Variants in RHPN1 observed in about 807,000 individuals in gnomAD.
RHPN1 encodes rhophilin-1.
RHPN1 carries 77 observed loss-of-function variants against 74.7 expected under a neutral mutation model. The ratio of observed to expected loss-of-function variants is 1.03; its 90% confidence interval spans 0.86 to 1.25. The LOEUF (loss-of-function observed/expected upper bound fraction) is 1.25. RHPN1 is among the 50% of genes most tolerant of loss of function. The probability of loss-of-function intolerance (pLI) is 0.00; values close to 1 mark genes in which losing one functional copy is unlikely to be tolerated. For missense variants in RHPN1, 987 were observed against 932.2 expected (o/e 1.06, Z -0.77); for synonymous variants, 444 against 414.5 (o/e 1.07, Z -0.87).
intron 2 of RHPN1, among the ~76,000 whole-genome samples, chr8:143,376,032 G>A (rs1818194364): frequency 6.6e-6 from 1 of 152,238 alleles, no homozygotes. Context: ...GACCTGGGCT[G>A]CCTCTTCCTT....
intron 7 of RHPN1, 29 bp from the exon 8 acceptor site, chr8:143,379,286 T>G (rs781039894): frequency 7.1e-6 from 11 of 1,548,628 alleles, no homozygotes; most frequent in Non-Finnish European, 8.7e-7. Context: ...TACAGGGCCC[T>G]GCCTGTGTGA....
intron 1 of RHPN1, among the ~76,000 whole-genome samples, chr8:143,370,933 C>G (rs574573283): frequency 6.6e-6 from 1 of 152,276 alleles, no homozygotes; most frequent in Non-Finnish European, 1.5e-5. Context: ...AGCAGGTGGG[C>G]AGGGTGGCTG....
chr8:143,379,398 C>T lies in RHPN1; in HGVS notation c.835C>T (p.Leu279Phe), dbSNP rs1286919608. 8 of 1,594,088 alleles carry T rather than the reference C, an allele frequency of 5.0e-6. No homozygotes were observed. The highest frequency in any genetic ancestry group is 1.1e-5 in the South Asian group (1 of 87,878). ...TGCGTCCCTCTGCGCACTGGAGCAG[C>T]TCATGATGGCCCAGGCCCAGGAATG... ...SAASLCALEQ[L>F]MMAQAQECVF... is the part of the protein sequence containing the mutation. The change falls in exon 8 of 15, where the codon CTC (leucine) becomes TTC (phenylalanine). Residue 279 changes from leucine to phenylalanine, a missense_variant. Physicochemically the swap from Leu to Phe is conservative, Grantham distance 22. Transcript: ENST00000289013.
upstream of RHPN1, chr8:143,367,752 C>G (rs935195193): frequency 6.6e-6 from 1 of 152,386 alleles, no homozygotes; most frequent in East Asian, 1.9e-4. Flanking sequence ...TGAACGTGGA[C>G]AAGACCTGGG....
Position 143,376,581 on chromosome 8 carries a change from A to T in RHPN1, c.233A>T (p.Asn78Ile), listed in dbSNP as rs761094411. 2 of 1,609,436 alleles carry T rather than the reference A, an allele frequency of 1.2e-6. No homozygotes were observed. The highest frequency in any genetic ancestry group is 2.7e-5 in the African/African-American group (2 of 74,742). Residue 78 changes from asparagine to isoleucine, a missense_variant, in exon 3 of 15, where the codon AAC (asparagine) becomes ATC (isoleucine). By Grantham distance (149) the Asn-to-Ile change is moderately radical. Coordinates refer to ENST00000289013, the MANE Select transcript of RHPN1 (RefSeq NM_052924.3). ...GTCGCCCTGGAGCTGAGCTACGTCAACTCCAACCTGCAGCTGCTGAAGGAG... is the reference window on the plus strand; with the variant it reads ...GTCGCCCTGGAGCTGAGCTACGTCATCTCCAACCTGCAGCTGCTGAAGGAG... ...ETVALELSYVNSNLQLLKEEL... is the reference protein window; with the variant it reads ...ETVALELSYVISNLQLLKEEL...
Position 143,382,734 on chromosome 8 carries a change from G to A in RHPN1, c.*83G>A, listed in dbSNP as rs76984923. ...TGCCCTCCCCACCCAGAGGACCTCCGGGCAATGCCTGTCCCGCCTCATGCT... is the reference window on the plus strand; with the variant it reads ...TGCCCTCCCCACCCAGAGGACCTCCAGGCAATGCCTGTCCCGCCTCATGCT... On this transcript the variant is annotated 3_prime_UTR_variant, in exon 15 of 15. Coordinates refer to ENST00000289013, the MANE Select transcript of RHPN1 (RefSeq NM_052924.3). The A allele has an allele frequency of 3.9e-5, 47 of 1,204,028 alleles. No individual in the cohort carries two copies. Among genetic ancestry groups the A allele is most frequent in the Middle Eastern group, 2.8e-4 (1 of 3,590 alleles). 74.6% of individuals were successfully genotyped at this position (1,204,028 alleles called of 1,614,324 possible).
upstream of RHPN1, among the ~76,000 whole-genome samples, chr8:143,365,070 C>A (rs565361210): frequency 6.6e-6 from 1 of 152,228 alleles, no homozygotes; most frequent in East Asian, 1.9e-4. Flanking sequence ...TCTTAACAGG[C>A]GCAACAGTGG....
intron 1 of RHPN1, chr8:143,374,177 C>G (rs1818054733): frequency 1.0e-6 from 1 of 985,314 alleles, no homozygotes; most frequent in African/African-American, 1.7e-5. Flanking sequence ...GAGCTCTTTA[C>G]GGGGAAGACG....
In RHPN1 at chr8:143,381,630, T is replaced by C; in HGVS notation, c.1547T>C (p.Leu516Pro). Residue 516 changes from leucine (L) to proline (P), a missense_variant, in exon 13 of 15, where the codon CTG (leucine) becomes CCG (proline). Physicochemically the swap from Leu to Pro is moderately conservative, Grantham distance 98. Transcript: ENST00000289013. Reference sequence around the variant, plus strand: ...TGGCGGCTGGTGGGGCCCGTCCACCTGACCCGAGGAGAGGGCGGCTTTGGC... The same window carrying C: ...TGGCGGCTGGTGGGGCCCGTCCACCCGACCCGAGGAGAGGGCGGCTTTGGC... Reference protein sequence around the residue: ...NRWRLVGPVHLTRGEGGFGLT... With the variant: ...NRWRLVGPVHPTRGEGGFGLT... 6.2e-7 allele frequency: 1 copy of C among 1,610,576 alleles called. No individual in the cohort carries two copies.
Position 143,380,724 on chromosome 8 carries a change from A to T in RHPN1, c.1352A>T (p.Tyr451Phe), listed in dbSNP as rs574737505. 27 of 1,595,584 alleles carry T rather than the reference A, an allele frequency of 1.7e-5. No individual in the cohort carries two copies. The highest frequency in any genetic ancestry group is 4.0e-5 in the African/African-American group (3 of 74,706). The change falls in exon 11 of 15, where the codon TAT (tyrosine) becomes TTT (phenylalanine). Residue 451 changes from tyrosine to phenylalanine, a missense_variant. Physicochemically the swap from Tyr to Phe is conservative, Grantham distance 22 (BLOSUM62 3). Transcript: ENST00000289013. ...SQTLQRSLAKYAELDREDDFC... is the reference protein window; with the variant it reads ...SQTLQRSLAKFAELDREDDFC... The stretch of plus-strand genomic sequence containing the variant: ...ACGCTGCAGCGCTCACTGGCCAAGT[A>T]TGCGGAGCTCGACCGTGAGGATGAC...
Position 143,379,903 on chromosome 8 carries a change from G to C in RHPN1, c.1020G>C (p.Trp340Cys). Residue 340 changes from tryptophan (W) to cysteine (C), a missense_variant, in exon 9 of 15, where the codon TGG (tryptophan) becomes TGC (cysteine). Transcript: ENST00000289013. ...TCCACGACTACGTGCCTGTCTCCTG[G>C]ACTGCCCTGGTGCATGTCAAGGCCG... The part of the protein sequence containing the change: ...PPVHDYVPVS[W>C]TALVHVKAEY... 1 of 1,606,636 alleles carries C rather than the reference G, an allele frequency of 6.2e-7. No individual in the cohort carries two copies. Among genetic ancestry groups the C allele is most frequent in the Middle Eastern group, 1.7e-4 (1 of 6,052 alleles).
chr8:143,370,828 G>A (rs1359896895), intron 1 of RHPN1, among the ~76,000 whole-genome samples: 3 of 152,240 alleles, frequency 2.0e-5, no homozygotes, highest in African/African-American at 7.2e-5. Context: ...AGGACCACAA[G>A]GAATACAGCC....
At chr8:143,377,849 C>G (rs1234666169) in intron 4 of RHPN1, among the ~76,000 whole-genome samples, 1 of 152,214 alleles carries the variant, frequency 6.6e-6, no homozygotes, top group Non-Finnish European at 1.5e-5. Flanking sequence ...CTGGGGAGAG[C>G]TAGAACAGAC....
chr8:143,378,660 C>G, intron 5 of RHPN1, 36 bp from the exon 6 acceptor site: 1 of 1,582,866 alleles, frequency 6.3e-7, no homozygotes, highest in Non-Finnish European at 8.6e-7. Flanking sequence ...GTGGGGTGGG[C>G]CAGGGCGGTG....
rs753282152 is a variant in RHPN1, at chr8:143,380,060, A to G, written c.1103-2A>G. 51 of 1,544,654 alleles carry G rather than the reference A, an allele frequency of 3.3e-5. No homozygotes were observed. The highest frequency in any genetic ancestry group is 4.5e-5 in the Non-Finnish European group (51 of 1,144,436). ...AGGGCTCACAGCCTCTCTGTCCCCC[A>G]GCAGCGACCGAGGGAGAGCTCCCCA... On this transcript the variant is annotated splice_acceptor_variant, in intron 9 of 14. Transcript: ENST00000289013. LOFTEE classifies it high-confidence loss of function.
In RHPN1 at chr8:143,375,755, A is replaced by C. The variant is rs371884215; in HGVS notation, c.176+87A>C. 8.2e-6 allele frequency: 8 copies of C among 978,072 alleles called. No homozygotes were observed. The East Asian group carries it at 1.6e-4, about 20-fold the overall frequency. 60.6% of individuals were successfully genotyped at this position (978,072 alleles called of 1,614,324 possible). A position where few individuals can be genotyped will look rare whatever the true frequency, so the allele number is the denominator to read the frequency against. On this transcript the variant is annotated intron_variant, in intron 2 of 14. Transcript: ENST00000289013. Reference sequence around the variant, plus strand: ...AGCCACGCAGGCAGATGTCTGCCCCATGGCCGGGTCACAGAGACAGGTGCA... The same window carrying C: ...AGCCACGCAGGCAGATGTCTGCCCCCTGGCCGGGTCACAGAGACAGGTGCA...
At chr8:143,365,838 A>T (rs563958057), upstream of RHPN1, among the ~76,000 whole-genome samples, 9 of 151,372 alleles carry the variant, frequency 5.9e-5, no homozygotes, top group Non-Finnish European at 8.8e-5. Flanking sequence ...CTCTACAAAA[A>T]ATACAAAAGT....
chr8:143,379,703 A>C, intron 8 of RHPN1, 126 bp from the exon 9 acceptor site: 1 of 1,454,142 alleles, frequency 6.9e-7, no homozygotes, highest in South Asian at 1.4e-5. Context: ...GGCACAAAGC[A>C]GCAGGAACTG....
At chr8:143,378,614 T>C in intron 5 of RHPN1, 82 bp from the exon 6 acceptor site, 2 of 1,486,910 alleles carry the variant, frequency 1.3e-6, no homozygotes, top group East Asian at 4.8e-5. Context: ...CCCATGGTGC[T>C]GGTGCCCATG....
Sources: gnomAD v4.1 joint callset for allele counts (sites outside exome capture counted in the v4.1 genomes callset) on GRCh38, gnomAD v4.1.1 for gene constraint, MANE v1.5 for transcripts, NCBI Gene and HGNC (gene_info 2026-07-23, HGNC 2026-07-21) for gene names.